Variants in LIN52 observed in about 807,000 individuals in gnomAD.
LIN52 encodes lin-52 DREAM MuvB core complex component, also known as protein lin-52 homolog.
LIN52 carries 4 observed loss-of-function variants against 18.5 expected under a neutral mutation model. The ratio of observed to expected loss-of-function variants is 0.22; its 90% CI spans 0.11 to 0.49. The LOEUF (loss-of-function observed/expected upper bound fraction) is 0.49, where lower values mean the gene tolerates loss of function less well. Ranked by LOEUF, LIN52 falls within the 20% of genes least tolerant of loss-of-function variation. The pLI is 0.97. For synonymous variants in LIN52, 34 were observed against 45.5 expected (o/e 0.75, Z 1.02); for missense variants, 102 against 139.5 (o/e 0.73, Z 1.35).
intron 5 of LIN52, among the ~76,000 whole-genome samples, chr14:74,153,343 TC>T (rs2061185081): frequency 1.3e-5 from 2 of 152,202 alleles, no homozygotes; most frequent in South Asian, 4.1e-4. Context: ...TATGGCGGTT[TC>T]CCATTCATTG....
rs114525836 is a variant in LIN52, at chr14:74,140,927, C to T, written c.283+39689C>T. Among the ~76,000 whole-genome samples the T allele has an allele frequency of 3.7e-3, 568 of 152,144 alleles. 4 individuals are homozygous for T. Among genetic ancestry groups the T allele is most frequent in the African/African-American group, 0.013 (536 of 41,494 alleles). ...TTCTGTTTTGTAATACCGTTGTGTG[C>T]GTTTTTCTCTTCTGTCCCCCATGGA... On this transcript the variant is annotated intron_variant, in intron 5 of 5. Coordinates refer to ENST00000555028, the MANE Select transcript of LIN52 (RefSeq NM_001024674.3).
chr14:74,085,723 A>G (rs1490863904), intron 1 of LIN52: 1 of 152,100 alleles, frequency 6.6e-6, no homozygotes, highest in Non-Finnish European at 1.5e-5. Flanking sequence ...TTGTTTTGGT[A>G]TACTCCCATG....
chr14:74,086,593 G>A (rs1020681169), intron 1 of LIN52, among the ~76,000 whole-genome samples: 3 of 151,816 alleles, frequency 2.0e-5, no homozygotes, highest in East Asian at 1.9e-4. Flanking sequence ...GGGTGGAGGC[G>A]GCAGTGAACC....
chr14:74,165,513 C>CTTTTCTTTTTTTTTTTTTTTT (rs1555384151), intron 5 of LIN52, among the ~76,000 whole-genome samples: 1 of 110,262 alleles, frequency 9.1e-6, no homozygotes, highest in Non-Finnish European at 1.8e-5. Context: ...GTTTTCTTTT[C>CTTTTCTTTTTTTTTTTTTTTT]TTTTTTTTTT....
At chr14:74,197,096 A>G (rs1421546780) in intron 5 of LIN52, among the ~76,000 whole-genome samples, 5 of 152,258 alleles carry the variant, frequency 3.3e-5, no homozygotes, top group Admixed American at 3.3e-4. Context: ...CAAATAAGCA[A>G]GGCACATTTA....
At chr14:74,103,143 A>G (rs1014220757) in intron 5 of LIN52, among the ~76,000 whole-genome samples, 7 of 152,104 alleles carry the variant, frequency 4.6e-5, no homozygotes, top group African/African-American at 7.2e-5. Flanking sequence ...CAGTGGTGCA[A>G]TCTCGGCTCA....
At chr14:74,172,981 T>C (rs1310060722) in intron 5 of LIN52, among the ~76,000 whole-genome samples, 1 of 152,226 alleles carries the variant, frequency 6.6e-6, no homozygotes, top group African/African-American at 2.4e-5. Context: ...TAAATACGTA[T>C]TGAATGAACC....
intron 5 of LIN52, among the ~76,000 whole-genome samples, chr14:74,125,142 G>C (rs920527764): frequency 1.3e-5 from 2 of 152,156 alleles, no homozygotes; most frequent in African/African-American, 4.8e-5. Context: ...TAATGGGATG[G>C]CTGGGTCAAA....
At chr14:74,096,179 G>A (rs940308039) in intron 3 of LIN52, among the ~76,000 whole-genome samples, 194 bp downstream of exon 3, 1 of 152,116 alleles carries the variant, frequency 6.6e-6, no homozygotes, top group African/African-American at 2.4e-5. Context: ...TCCTGCCTCA[G>A]CCTCCTGAGT....
intron 5 of LIN52, among the ~76,000 whole-genome samples, chr14:74,191,621 G>T (rs921293965): frequency 9.9e-5 from 15 of 151,332 alleles, no homozygotes; most frequent in East Asian, 1.9e-4. Flanking sequence ...CTAAACTGGG[G>T]TTTTTTTCTT....
At chr14:74,128,157 C>G (rs2061038749) in intron 5 of LIN52, among the ~76,000 whole-genome samples, 1 of 152,056 alleles carries the variant, frequency 6.6e-6, no homozygotes, top group African/African-American at 2.4e-5. Flanking sequence ...TTTGTGACTG[C>G]CCCAAGCTTA....
chr14:74,155,981 C>T (rs1289441057), intron 5 of LIN52, among the ~76,000 whole-genome samples: 1 of 152,172 alleles, frequency 6.6e-6, no homozygotes, highest in Non-Finnish European at 1.5e-5. Flanking sequence ...AATGTTCCCT[C>T]CCCTTCACTG....
chr14:74,127,857 A>G (rs375375898), intron 5 of LIN52, among the ~76,000 whole-genome samples: 28 of 152,154 alleles, frequency 1.8e-4, no homozygotes, highest in South Asian at 1.2e-3. Context: ...GATTACAGGC[A>G]TGAACCACCA....
At chr14:74,127,959 A>T (rs547385120) in intron 5 of LIN52, among the ~76,000 whole-genome samples, 1 of 152,174 alleles carries the variant, frequency 6.6e-6, no homozygotes, top group African/African-American at 2.4e-5. Flanking sequence ...TCTCTTGAGC[A>T]TGTAAGTCAG....
At chr14:74,089,280 T>C (rs2060756102) in intron 1 of LIN52, among the ~76,000 whole-genome samples, 1 of 152,068 alleles carries the variant, frequency 6.6e-6, no homozygotes, top group Admixed American at 6.6e-5. Flanking sequence ...GATCTGAGAA[T>C]TGGAATTTAT....
At chr14:74,193,643 A>C (rs1477576657) in intron 5 of LIN52, among the ~76,000 whole-genome samples, 1 of 152,200 alleles carries the variant, frequency 6.6e-6, no homozygotes, top group Non-Finnish European at 1.5e-5. Context: ...AATGAAACAA[A>C]TAGTTTTACA....
intron 5 of LIN52, among the ~76,000 whole-genome samples, chr14:74,172,427 G>A (rs1595184887): frequency 3.3e-5 from 5 of 152,208 alleles, no homozygotes; most frequent in Admixed American, 3.3e-4. Context: ...ACTTATAGGG[G>A]GGTTGTGAGA....
intron 5 of LIN52, among the ~76,000 whole-genome samples, chr14:74,127,307 G>A (rs79892560): frequency 0.019 from 2,859 of 152,304 alleles, 91 homozygotes; most frequent in African/African-American, 0.065. Flanking sequence ...CTGAGAAAAA[G>A]ATATTTCGGT....
At chr14:74,131,612 G>A (rs72627159) in intron 5 of LIN52, among the ~76,000 whole-genome samples, 20,949 of 152,180 alleles carry the variant, frequency 0.14, 2,031 homozygotes, top group East Asian at 0.58. Context: ...ATCGCACCTG[G>A]CCGTAGGCTT....
Sources: allele counts gnomAD v4.1 joint callset (sites outside exome capture counted in the v4.1 genomes callset), GRCh38; gene constraint gnomAD v4.1.1; transcripts MANE v1.5; gene names NCBI Gene and HGNC (gene_info 2026-07-23, HGNC 2026-07-21).